RBM20: variants seen among roughly 807,000 people sequenced by gnomAD.
RBM20 encodes RNA-binding protein 20.
RBM20 carries 51 observed loss-of-function variants against 110.1 expected under a neutral mutation model. The observed-to-expected ratio is 0.46, with a 90% CI of 0.37 to 0.59. The LOEUF (loss-of-function observed/expected upper bound fraction) is 0.59, where lower values mean the gene tolerates loss of function less well. Ranked by LOEUF, RBM20 falls within the 20% of genes least tolerant of loss-of-function variation. The pLI is 0.00. For synonymous variants in RBM20, 589 were observed against 618.2 expected, an observed-to-expected ratio of 0.95 and a Z score of 0.70; for missense variants, 1,512 against 1,574.9, an observed-to-expected ratio of 0.96 and a Z score of 0.68.
At chr10:110,753,751 T>C (rs1843888706) in intron 1 of RBM20, among the ~76,000 whole-genome samples, 1 of 152,262 alleles carries the variant, frequency 6.6e-6, no homozygotes. Context: ...TCAAAGTGTC[T>C]GCAGAGCTGC....
intron 1 of RBM20, among the ~76,000 whole-genome samples, chr10:110,714,470 A>G (rs1029885546): frequency 6.6e-6 from 1 of 152,186 alleles, no homozygotes; most frequent in African/African-American, 2.4e-5. Flanking sequence ...GAAGGGCCAG[A>G]CAATGAGGAC....
intron 1 of RBM20, among the ~76,000 whole-genome samples, chr10:110,681,982 C>T (rs944096341): frequency 6.6e-6 from 1 of 152,066 alleles, no homozygotes; most frequent in Non-Finnish European, 1.5e-5. Flanking sequence ...CTCTGCCTCC[C>T]GGGTTCAGAT....
At chr10:110,745,848 G>A (rs994168547) in intron 1 of RBM20, among the ~76,000 whole-genome samples, 2 of 152,194 alleles carry the variant, frequency 1.3e-5, no homozygotes, top group Non-Finnish European at 2.9e-5. Context: ...TATGGAAATA[G>A]CGATGTATGC....
intron 12 of RBM20, among the ~76,000 whole-genome samples, chr10:110,826,697 C>T (rs1447305890): frequency 1.3e-5 from 2 of 152,030 alleles, no homozygotes; most frequent in African/African-American, 4.8e-5. Context: ...ATTCTCCTGC[C>T]TCAGCCTCCG....
intron 1 of RBM20, among the ~76,000 whole-genome samples, chr10:110,696,671 G>T (rs186636560): frequency 1.3e-5 from 2 of 152,302 alleles, no homozygotes; most frequent in East Asian, 3.9e-4. Context: ...AGGAAGTACT[G>T]CCTGGGCCAT....
At chr10:110,791,359 T>C (rs961732424) in intron 5 of RBM20, among the ~76,000 whole-genome samples, 2 of 152,144 alleles carry the variant, frequency 1.3e-5, no homozygotes, top group Non-Finnish European at 1.5e-5. Flanking sequence ...AATCGTTTAC[T>C]GAAGATGGAA....
intron 1 of RBM20, among the ~76,000 whole-genome samples, chr10:110,676,246 G>A (rs1040855398): frequency 1.3e-5 from 2 of 152,186 alleles, no homozygotes; most frequent in African/African-American, 4.8e-5. Flanking sequence ...CTGAAATCAG[G>A]ATATGCTGAA....
At chr10:110,669,120 TC>T (rs1348069066) in intron 1 of RBM20, among the ~76,000 whole-genome samples, 2 of 152,302 alleles carry the variant, frequency 1.3e-5, no homozygotes, top group Admixed American at 6.5e-5. Flanking sequence ...CTTCGTTTTT[TC>T]TGGAATAGCA....
chr10:110,666,016 A>AGAGAGAGC (rs1294524998), intron 1 of RBM20, among the ~76,000 whole-genome samples: 2 of 148,786 alleles, frequency 1.3e-5, no homozygotes, highest in Admixed American at 6.7e-5. Context: ...AGAGAGAGAG[A>AGAGAGAGC]GGGGAAGGAA....
intron 1 of RBM20, among the ~76,000 whole-genome samples, chr10:110,771,308 T>A (rs969073201): frequency 6.6e-6 from 1 of 152,130 alleles, no homozygotes; most frequent in Non-Finnish European, 1.5e-5. Flanking sequence ...GTATTTTTTT[T>A]AGTAGAGACC....
chr10:110,669,926 T>A (rs935662857), intron 1 of RBM20, among the ~76,000 whole-genome samples: 1 of 152,252 alleles, frequency 6.6e-6, no homozygotes, highest in Non-Finnish European at 1.5e-5. Context: ...TAAAGGTTGC[T>A]GAATTAAAAA....
chr10:110,766,317 T>TG (rs2135011917), intron 1 of RBM20, among the ~76,000 whole-genome samples: 1 of 139,702 alleles, frequency 7.2e-6, no homozygotes, highest in African/African-American at 2.7e-5. Context: ...AACTTTGTTT[T>TG]TTTTTTTGTT....
intron 1 of RBM20, among the ~76,000 whole-genome samples, chr10:110,726,339 T>G (rs529271504): frequency 6.6e-6 from 1 of 152,326 alleles, no homozygotes; most frequent in South Asian, 2.1e-4. Flanking sequence ...GAGCACTTTC[T>G]AAGGTCTCCC....
At chr10:110,817,337 C>T (rs1844852909) in intron 9 of RBM20, among the ~76,000 whole-genome samples, 1 of 152,192 alleles carries the variant, frequency 6.6e-6, no homozygotes, top group Admixed American at 6.5e-5. Flanking sequence ...TACCTGTGGG[C>T]CAGATGCCAT....
At chr10:110,828,597 G>A (rs10885054) in intron 12 of RBM20, among the ~76,000 whole-genome samples, 70,120 of 151,980 alleles carry the variant, frequency 0.46, 16,492 homozygotes, top group African/African-American at 0.5. Context: ...TATTTAACAC[G>A]TGTCTCCAAA....
intron 7 of RBM20, among the ~76,000 whole-genome samples, chr10:110,802,130 C>T (rs1045254253): frequency 9.2e-5 from 14 of 152,164 alleles, no homozygotes; most frequent in South Asian, 2.1e-4. Flanking sequence ...GGGATTTTCC[C>T]GTTCACTTTA....
At chr10:110,695,153 T>C (rs2134882819) in intron 1 of RBM20, among the ~76,000 whole-genome samples, 1 of 152,346 alleles carries the variant, frequency 6.6e-6, no homozygotes, top group East Asian at 1.9e-4. Flanking sequence ...CCTTAAGTTT[T>C]CTGGCCCCTG....
chr10:110,783,254 T>C, intron 2 of RBM20, 112 bp from the exon 3 acceptor site: 3 of 761,710 alleles, frequency 3.9e-6, no homozygotes, highest in East Asian at 5.7e-5. Flanking sequence ...GCAGGGGTGG[T>C]CCAGCCTCTG....
intron 1 of RBM20, among the ~76,000 whole-genome samples, chr10:110,692,662 A>G (rs1465781550): frequency 2.0e-5 from 3 of 152,060 alleles, no homozygotes; most frequent in Admixed American, 6.6e-5. Flanking sequence ...AGGGTTTTCT[A>G]CATATAAAAC....
Sources: allele counts gnomAD v4.1 joint callset (sites outside exome capture counted in the v4.1 genomes callset), GRCh38; gene constraint gnomAD v4.1.1; transcripts MANE v1.5; gene names NCBI Gene and HGNC (gene_info 2026-07-23, HGNC 2026-07-21).